The following FER variants were observed in gnomAD, a reference collection of about 807,000 sequenced individuals.
FER encodes tyrosine-protein kinase Fer.
FER carries 63 observed loss-of-function variants against 111.0 expected under a neutral mutation model. That is an observed-to-expected ratio of 0.57 (90% confidence interval 0.46 to 0.70). The LOEUF is 0.70. FER is among the 30% of genes least tolerant of loss of function. FER has a pLI of 0.00. For synonymous variants in FER, 327 were observed against 313.9 expected, an observed-to-expected ratio of 1.04 and a Z score of -0.44; for missense variants, 914 against 954.0, an observed-to-expected ratio of 0.96 and a Z score of 0.55.
chr5:109,085,679 T>C (rs1293893896), intron 16 of FER, among the ~76,000 whole-genome samples: 1 of 151,772 alleles, frequency 6.6e-6, no homozygotes, highest in Non-Finnish European at 1.5e-5. Context: ...TGGTGATAGA[T>C]GTAGGTTCTC....
intron 3 of FER, among the ~76,000 whole-genome samples, chr5:108,810,392 C>A (rs769340679): frequency 2.0e-5 from 3 of 152,158 alleles, no homozygotes; most frequent in Non-Finnish European, 2.9e-5. Flanking sequence ...TCCCTGCTCA[C>A]CTCTCCAGGC....
At chr5:108,976,054 C>A (rs1194296193) in intron 13 of FER, among the ~76,000 whole-genome samples, 5 of 152,102 alleles carry the variant, frequency 3.3e-5, no homozygotes. Context: ...ATATGGGAGT[C>A]ACCAATATGT....
At chr5:109,040,692 T>G (rs938237553) in intron 14 of FER, among the ~76,000 whole-genome samples, 2 of 152,134 alleles carry the variant, frequency 1.3e-5, no homozygotes, top group Non-Finnish European at 2.9e-5. Flanking sequence ...GGTGATAGTT[T>G]CAAGAGAATG....
rs555208354 is a variant in FER at position 109,051,755 on chromosome 5, C to T, written c.1924+4557C>T. Reference sequence around the variant, plus strand: ...CTCTTTCCCTTAACCCAATCCTTAACGCCCTTGAAGAAAACGTAGAAGAGT... The same window carrying T: ...CTCTTTCCCTTAACCCAATCCTTAATGCCCTTGAAGAAAACGTAGAAGAGT... On this transcript the variant is annotated intron_variant, in intron 16 of 19. Coordinates refer to ENST00000281092, the MANE Select transcript of FER (RefSeq NM_005246.4). 1.4e-4 allele frequency: 219 copies of T among 1,567,854 alleles called. 3 individuals carry two copies. The South Asian group carries it at 1.9e-3, about 13-fold the overall frequency.
At chr5:109,172,051 T>C (rs1489396446) in intron 17 of FER, among the ~76,000 whole-genome samples, 2 of 152,144 alleles carry the variant, frequency 1.3e-5, no homozygotes, top group African/African-American at 4.8e-5. Context: ...GTAAACTAGT[T>C]CAACCATTGT....
chr5:108,885,939 A>C (rs1375767987), intron 9 of FER, among the ~76,000 whole-genome samples: 2 of 152,008 alleles, frequency 1.3e-5, no homozygotes, highest in African/African-American at 2.4e-5. Flanking sequence ...CACATATAAA[A>C]TTAAACAAAA....
At chr5:108,920,584 C>G (rs1318000190) in intron 10 of FER, among the ~76,000 whole-genome samples, 2 of 152,084 alleles carry the variant, frequency 1.3e-5, no homozygotes, top group African/African-American at 4.8e-5. Flanking sequence ...TCACTTTCTT[C>G]CAAATCCTGT....
At chr5:108,964,583 A>G (rs1759559932) in intron 13 of FER, among the ~76,000 whole-genome samples, 1 of 152,128 alleles carries the variant, frequency 6.6e-6, no homozygotes, top group African/African-American at 2.4e-5. Context: ...CAAAAGGGAG[A>G]GTGATGGGAG....
intron 2 of FER, among the ~76,000 whole-genome samples, chr5:108,773,250 CAT>C (rs1350906481): frequency 1.3e-5 from 2 of 152,056 alleles, no homozygotes; most frequent in Non-Finnish European, 2.9e-5. Context: ...TATAGGTAAA[CAT>C]GTGCCATGGT....
At chr5:108,751,245 ATATACATGTATATGTAG>A (rs1750474080) in intron 1 of FER, among the ~76,000 whole-genome samples, 1 of 152,198 alleles carries the variant, frequency 6.6e-6, no homozygotes, top group South Asian at 2.1e-4. Flanking sequence ...CAGCATATGT[ATATACATGTATATGTAG>A]TATACATGTA....
chr5:109,010,066 CAA>C (rs1766042270), intron 13 of FER, among the ~76,000 whole-genome samples: 1 of 152,218 alleles, frequency 6.6e-6, no homozygotes, highest in African/African-American at 2.4e-5. Flanking sequence ...GATCACATTT[CAA>C]AGAGGTACCT....
intron 1 of FER, among the ~76,000 whole-genome samples, chr5:108,763,001 T>C (rs926450050): frequency 1.3e-5 from 2 of 152,222 alleles, no homozygotes; most frequent in Admixed American, 6.5e-5. Flanking sequence ...TAACACTGTG[T>C]ATTTTACTTA....
intron 16 of FER, chr5:109,052,478 T>G: frequency 9.4e-7 from 1 of 1,066,668 alleles, no homozygotes; most frequent in Non-Finnish European, 1.4e-6. Context: ...CACCACTCTT[T>G]TGCTTAAAAG....
chr5:109,105,864 A>G (rs1357857963), intron 17 of FER, among the ~76,000 whole-genome samples: 2 of 152,200 alleles, frequency 1.3e-5, no homozygotes, highest in African/African-American at 2.4e-5. Context: ...TTTTATTCAT[A>G]TCGTTCACTA....
At chr5:109,028,872 A>G (rs1013264374) in intron 13 of FER, among the ~76,000 whole-genome samples, 8 of 152,130 alleles carry the variant, frequency 5.3e-5, no homozygotes, top group African/African-American at 1.4e-4. Flanking sequence ...TGGAGTCCAA[A>G]GTTCTTACCA....
At chr5:108,987,994 T>G (rs1762765848) in intron 13 of FER, among the ~76,000 whole-genome samples, 2 of 152,212 alleles carry the variant, frequency 1.3e-5, no homozygotes, top group South Asian at 4.1e-4. Context: ...CTGAGGGTGT[T>G]AATCACAAAC....
chr5:109,086,171 T>C (rs1434981676), intron 16 of FER, among the ~76,000 whole-genome samples: 1 of 151,814 alleles, frequency 6.6e-6, no homozygotes, highest in East Asian at 1.9e-4. Flanking sequence ...TAGAGTTTTC[T>C]TTATAGGAAG....
At chr5:108,763,174 C>G (rs950690478) in intron 1 of FER, among the ~76,000 whole-genome samples, 2 of 152,192 alleles carry the variant, frequency 1.3e-5, no homozygotes, top group South Asian at 2.1e-4. Context: ...AAAAATGTGT[C>G]GTTGCCTCAC....
chr5:108,877,934 C>A (rs914066093), intron 8 of FER, among the ~76,000 whole-genome samples: 11 of 151,756 alleles, frequency 7.2e-5, no homozygotes, highest in African/African-American at 2.7e-4. Flanking sequence ...TAGACTGAGT[C>A]TTGCTCTGTT....
Sources: gnomAD v4.1 joint callset for allele counts (sites outside exome capture counted in the v4.1 genomes callset) on GRCh38, gnomAD v4.1.1 for gene constraint, MANE v1.5 for transcripts, NCBI Gene and HGNC (gene_info 2026-07-23, HGNC 2026-07-21) for gene names.